FAM114A1: variants seen among roughly 807,000 people sequenced by gnomAD.
The protein encoded by FAM114A1 is family with sequence similarity 114 member A1, also known as protein NOXP20.
Under a neutral mutation model 64.3 loss-of-function variants are expected in FAM114A1, and 62 were observed. The observed-to-expected ratio is 0.96, with a 90% confidence interval of 0.79 to 1.19. The LOEUF is 1.19. FAM114A1 is among the 50% of genes most tolerant of loss of function. FAM114A1 has a pLI of 0.00. For missense variants in FAM114A1, 645 were observed against 676.3 expected (o/e 0.95, Z 0.51); for synonymous variants, 254 against 251.1 (o/e 1.01, Z -0.11).
At position 38,932,359 on chromosome 4, in the gene FAM114A1, C is replaced by T; in HGVS notation, c.1448C>T (p.Ala483Val). ...QEEEKPAQDQAKVLIKLTTAM... is the reference protein window; with the variant it reads ...QEEEKPAQDQVKVLIKLTTAM... ...GAGGAAAAACCAGCTCAGGACCAAGCAAAAGTTCTAATAAAGTAAGTAAAT... is the reference window on the plus strand; with the variant it reads ...GAGGAAAAACCAGCTCAGGACCAAGTAAAAGTTCTAATAAAGTAAGTAAAT... Residue 483 changes from alanine (A) to valine (V), a missense_variant, in exon 12 of 15, where the codon GCA becomes GTA. Coordinates refer to ENST00000358869, the MANE Select transcript of FAM114A1 (RefSeq NM_138389.4). 6.3e-7 allele frequency: 1 copy of T among 1,590,154 alleles called. No individual in the cohort carries two copies. Among genetic ancestry groups the T allele is most frequent in the African/African-American group, 1.4e-5 (1 of 73,220 alleles).
chr4:38,872,054 A>C (rs975481630), intron 2 of FAM114A1, among the ~76,000 whole-genome samples: 3 of 152,224 alleles, frequency 2.0e-5, no homozygotes, highest in Non-Finnish European at 4.4e-5. Context: ...GTCGATCCAC[A>C]TACCTGAGGC....
chr4:38,917,748 C>G lies in FAM114A1; in HGVS notation c.945+2675C>G, dbSNP rs114934141. The stretch of plus-strand genomic sequence containing the variant: ...ACAGCCCCAGGGCCCTGGAAAAGAG[C>G]CCCCAAGGACTTAGTTTCTAGGAAG... On this transcript the variant is annotated intron_variant, in intron 8 of 14. Transcript: ENST00000358869. 3.9e-5 allele frequency among the ~76,000 whole-genome samples: 6 copies of G among 152,230 alleles called. 1 individual carries two copies. Among genetic ancestry groups the G allele is most frequent in the Admixed American group, 3.9e-4 (6 of 15,284 alleles).
chr4:38,878,310 C>T lies in FAM114A1; in HGVS notation c.232C>T (p.Leu78=). 6.2e-7 allele frequency: 1 copy of T among 1,614,244 alleles called. No individual in the cohort carries two copies. Among genetic ancestry groups the T allele is most frequent in the Non-Finnish European group, 8.5e-7 (1 of 1,180,038 alleles). The change falls in exon 3 of 15, where the codon CTG becomes TTG. Residue 78 remains leucine (L), a synonymous_variant. Coordinates refer to ENST00000358869, the MANE Select transcript of FAM114A1 (RefSeq NM_138389.4). ...TGTGCAGCCTCAGGATGCCAACGCC[C>T]TGGAGCCCCCTCTCAATGGAGACGT... The part of the protein sequence containing the change: ...PPVQPQDANA[L]EPPLNGDVTE...
chr4:38,869,719 GTT>G (rs1183336699), intron 2 of FAM114A1, among the ~76,000 whole-genome samples: 1 of 141,292 alleles, frequency 7.1e-6, no homozygotes. Context: ...CACTGTTTTT[GTT>G]TTTTTTTTTT....
At chr4:38,871,568 G>A (rs1328199480) in intron 2 of FAM114A1, among the ~76,000 whole-genome samples, 1 of 151,938 alleles carries the variant, frequency 6.6e-6, no homozygotes, top group South Asian at 2.1e-4. Flanking sequence ...TGAGTTTCTG[G>A]GGTATTTCTG....
intron 8 of FAM114A1, among the ~76,000 whole-genome samples, chr4:38,915,287 A>C (rs910501774): frequency 6.6e-6 from 1 of 152,060 alleles, no homozygotes; most frequent in Non-Finnish European, 1.5e-5. Flanking sequence ...CAGCTCCAAA[A>C]AGGCCTGCAC....
At chr4:38,926,944 C>T (rs557635118) in intron 9 of FAM114A1, among the ~76,000 whole-genome samples, 2 of 151,540 alleles carry the variant, frequency 1.3e-5, no homozygotes, top group African/African-American at 2.4e-5. Flanking sequence ...GAGCACTTAC[C>T]TCTTTGGGTT....
chr4:38,943,158 A>G (rs991401358), intron 14 of FAM114A1, among the ~76,000 whole-genome samples: 1 of 145,622 alleles, frequency 6.9e-6, no homozygotes, highest in African/African-American at 2.6e-5. Context: ...GTGCCTCTGC[A>G]CTCCAGCCTG....
intron 8 of FAM114A1, among the ~76,000 whole-genome samples, chr4:38,915,785 GTGTGTGTGTT>G (rs1348709843): frequency 2.7e-5 from 4 of 148,512 alleles, no homozygotes; most frequent in African/African-American, 1.0e-4. Context: ...GTGTGTGTGT[GTGTGTGTGTT>G]TATTTAGCAA....
At chr4:38,927,520 C>T (rs1720233069) in intron 9 of FAM114A1, among the ~76,000 whole-genome samples, 1 of 152,152 alleles carries the variant, frequency 6.6e-6, no homozygotes, top group Non-Finnish European at 1.5e-5. Context: ...CTCCTATTGT[C>T]ATCACATTGG....
Position 38,904,032 on chromosome 4 carries a change from G to A in FAM114A1, c.437-1490G>A, listed in dbSNP as rs146860310. Among the ~76,000 whole-genome samples the A allele has an allele frequency of 3.0e-3, 451 of 152,300 alleles. 2 individuals carry two copies. The highest frequency in any genetic ancestry group is 9.8e-3 in the African/African-American group (407 of 41,562). ...TTCCCCTTTCTTATTCAGGAAATGG[G>A]CAATTGGTTATTTTAACAGTGCCTT... is the stretch of plus-strand genomic sequence containing the variant. On this transcript the variant is annotated intron_variant, in intron 4 of 14. Coordinates refer to ENST00000358869, the MANE Select transcript of FAM114A1 (RefSeq NM_138389.4).
At chr4:38,931,061 A>G (rs577027761) in intron 10 of FAM114A1, among the ~76,000 whole-genome samples, 5 of 152,146 alleles carry the variant, frequency 3.3e-5, no homozygotes, top group Non-Finnish European at 5.9e-5. Flanking sequence ...CCGCGGCCCC[A>G]TGGCTCAATT....
chr4:38,875,090 T>G (rs1410417420), intron 2 of FAM114A1, among the ~76,000 whole-genome samples: 1 of 152,194 alleles, frequency 6.6e-6, no homozygotes, highest in East Asian at 1.9e-4. Flanking sequence ...TGTAGTATAG[T>G]TTGAAGTTGG....
At chr4:38,926,895 C>T (rs544517415) in intron 9 of FAM114A1, among the ~76,000 whole-genome samples, 8 of 152,098 alleles carry the variant, frequency 5.3e-5, no homozygotes, top group Admixed American at 3.9e-4. Context: ...GCTTCACACC[C>T]CTCTGAGAAC....
rs1383863459 is a variant in FAM114A1 at position 38,945,395 on chromosome 4, T to TA, written c.*1839dup. 8.5e-5 allele frequency: 13 copies of TA among 152,208 alleles called. No homozygotes were observed. The highest frequency in any genetic ancestry group is 7.9e-4 in the Admixed American group (12 of 15,282). 9.4% of individuals were successfully genotyped at this position (152,208 alleles called of 1,614,324 possible). ...GCCTTCATTGCAGCTGCATGTTCGA[T>TA]ACAATACACCTGCTTCACAGCCCCA... is the stretch of plus-strand genomic sequence containing the variant. On this transcript the variant is annotated 3_prime_UTR_variant, in exon 15 of 15. Coordinates refer to ENST00000358869, the MANE Select transcript of FAM114A1 (RefSeq NM_138389.4).
Position 38,922,812 on chromosome 4 carries a change from C to G in FAM114A1, c.988C>G (p.Leu330Val), listed in dbSNP as rs1719734917. The change falls in exon 9 of 15, where the codon CTC becomes GTC. Residue 330 changes from leucine to valine, a missense_variant. Transcript: ENST00000358869. ...LASLDGEKLE[L>V]LKNDLISIKD... ...ATCACTTGATGGAGAGAAGCTGGAA[C>G]TCTTAAAAAATGACCTAATTTCCAT... The G allele has an allele frequency of 6.2e-7, 1 of 1,613,352 alleles. No homozygotes were observed. The highest frequency in any genetic ancestry group is 1.3e-5 in the African/African-American group (1 of 74,900).
chr4:38,941,063 A>T, intron 14 of FAM114A1, 42 bp downstream of exon 14: 3 of 1,558,486 alleles, frequency 1.9e-6, no homozygotes, highest in South Asian at 1.2e-5. Context: ...AATCAAAGTA[A>T]ATGTTAGAAC....
intron 13 of FAM114A1, among the ~76,000 whole-genome samples, chr4:38,939,316 T>C (rs909753241): frequency 6.6e-6 from 1 of 152,194 alleles, no homozygotes; most frequent in Non-Finnish European, 1.5e-5. Context: ...CCTCTGATCT[T>C]GTGCTGTGAT....
intron 2 of FAM114A1, among the ~76,000 whole-genome samples, chr4:38,876,175 T>C (rs925357278): frequency 4.7e-4 from 69 of 146,726 alleles, no homozygotes; most frequent in Admixed American, 1.1e-3. Flanking sequence ...TTTTCTTTTT[T>C]TTTTTTTTTT....
Sources: allele counts gnomAD v4.1 joint callset (sites outside exome capture counted in the v4.1 genomes callset), GRCh38; gene constraint gnomAD v4.1.1; transcripts MANE v1.5; gene names NCBI Gene and HGNC (gene_info 2026-07-23, HGNC 2026-07-21).